Variants in SORT1 observed in about 807,000 individuals in gnomAD.
SORT1 encodes sortilin 1, also known as sortilin.
In SORT1, 39 loss-of-function variants were observed where a neutral mutation model predicts 101.7. That is an observed-to-expected ratio of 0.38 (90% CI 0.30 to 0.50). The LOEUF is 0.50. SORT1 is among the 20% of genes least tolerant of loss of function. SORT1 has a pLI of 0.90. For missense variants in SORT1, 878 were observed against 1,040.4 expected (o/e 0.84, Z 2.15); for synonymous variants, 396 against 393.7 (o/e 1.01, Z -0.07).
intron 3 of SORT1, among the ~76,000 whole-genome samples, chr1:109,356,459 T>C (rs1650332130): frequency 6.6e-6 from 1 of 152,182 alleles, no homozygotes; most frequent in South Asian, 2.1e-4. Context: ...GAATCGACCC[T>C]GAAGCCTGTC....
chr1:109,326,464 TACATACACAC>T (rs1233814767), intron 13 of SORT1, among the ~76,000 whole-genome samples: 1 of 64,104 alleles, frequency 1.6e-5, no homozygotes, highest in Non-Finnish European at 3.1e-5. Flanking sequence ...TATATATATA[TACATACACAC>T]ACACACACAC....
In SORT1 at chr1:109,310,747, A is replaced by C. The variant is rs1490130354; in HGVS notation, c.*3296T>G. On this transcript the variant is annotated 3_prime_UTR_variant, in exon 20 of 20. Coordinates refer to ENST00000256637, the MANE Select transcript of SORT1 (RefSeq NM_002959.7). ...ATCTCTATCTGGATGGTTGGCCTGG[A>C]AACTAAATAATGACTAATGCCAGGC... 6.6e-6 allele frequency: 1 copy of C among 152,488 alleles called. No homozygotes were observed. Among genetic ancestry groups the C allele is most frequent in the Non-Finnish European group, 1.5e-5 (1 of 68,078 alleles). The allele number at this position is 152,488 out of a possible 1,614,324, so 9.4% of individuals were successfully genotyped here.
At chr1:109,314,893 G>T in intron 17 of SORT1, 115 bp from the exon 18 acceptor site, 1 of 587,384 alleles carries the variant, frequency 1.7e-6, no homozygotes, top group East Asian at 3.0e-5. Flanking sequence ...GTCCTGATGC[G>T]CTTAATGATG....
intron 1 of SORT1, among the ~76,000 whole-genome samples, chr1:109,381,996 C>T (rs546163678): frequency 3.2e-4 from 48 of 152,090 alleles, no homozygotes; most frequent in African/African-American, 1.1e-3. Context: ...AAATTACTCT[C>T]ATCCCACCTC....
At chr1:109,379,135 G>A (rs1417517685) in intron 1 of SORT1, among the ~76,000 whole-genome samples, 2 of 147,508 alleles carry the variant, frequency 1.4e-5, no homozygotes, top group African/African-American at 4.9e-5. Context: ...AAAGTGAAAC[G>A]CCGTCTCAAA....
chr1:109,395,493 T>C (rs945212221), intron 1 of SORT1, among the ~76,000 whole-genome samples: 3 of 151,844 alleles, frequency 2.0e-5, no homozygotes, highest in Admixed American at 6.6e-5. Context: ...ATTGATAAGA[T>C]TACAGGCATG....
intron 3 of SORT1, among the ~76,000 whole-genome samples, chr1:109,357,268 T>C (rs1007940706): frequency 3.3e-5 from 5 of 152,266 alleles, no homozygotes; most frequent in African/African-American, 1.2e-4. Flanking sequence ...GTTTGCACAA[T>C]AATGAAATCA....
In SORT1 at chr1:109,355,388, A is replaced by T. The variant is rs1384420216; in HGVS notation, c.522T>A (p.Ile174=). The T allele has an allele frequency of 1.3e-6, 2 of 1,592,272 alleles. No homozygotes were observed. Among genetic ancestry groups the T allele is most frequent in the Non-Finnish European group, 1.7e-6 (2 of 1,160,136 alleles). The change falls in exon 4 of 20, where the codon ATT becomes ATA. Residue 174 remains isoleucine (I), a synonymous_variant. Coordinates refer to ENST00000256637, the MANE Select transcript of SORT1 (RefSeq NM_002959.7). ...TFIRTEFGMA[I]GPENSGKVVL... is the part of the protein sequence containing the mutation. ...TCACCTTTCCAGAGTTCTCAGGACCAATAGCCATGCCAAATTCAGTCCGAA... is the reference window on the plus strand; with the variant it reads ...TCACCTTTCCAGAGTTCTCAGGACCTATAGCCATGCCAAATTCAGTCCGAA...
At chr1:109,364,663 G>A (rs965629864) in intron 3 of SORT1, among the ~76,000 whole-genome samples, 1 of 152,210 alleles carries the variant, frequency 6.6e-6, no homozygotes, top group Non-Finnish European at 1.5e-5. Flanking sequence ...GTTGGCAGGG[G>A]CTAGGGGGTG....
At chr1:109,367,679 T>C (rs1410902113) in intron 2 of SORT1, among the ~76,000 whole-genome samples, 198 bp from the exon 3 acceptor site, 2 of 152,196 alleles carry the variant, frequency 1.3e-5, no homozygotes, top group Admixed American at 6.5e-5. Context: ...ATGATCCCCA[T>C]TGCCTCCATT....
chr1:109,323,666 G>C (rs954143707), intron 14 of SORT1, among the ~76,000 whole-genome samples: 1 of 152,202 alleles, frequency 6.6e-6, no homozygotes, highest in Non-Finnish European at 1.5e-5. Context: ...GATAAACCTA[G>C]TTTCTGGCTT....
chr1:109,344,037 C>G (rs1649417748), intron 8 of SORT1, among the ~76,000 whole-genome samples: 1 of 152,214 alleles, frequency 6.6e-6, no homozygotes, highest in Non-Finnish European at 1.5e-5. Flanking sequence ...TTCAGGCGCT[C>G]AGGATACAGA....
At chr1:109,325,787 C>G (rs905164343) in intron 13 of SORT1, among the ~76,000 whole-genome samples, 2 of 151,648 alleles carry the variant, frequency 1.3e-5, no homozygotes, top group African/African-American at 2.4e-5. Context: ...CCAGCCTGAC[C>G]AACACAACAA....
intron 1 of SORT1, 126 bp from the exon 2 acceptor site, chr1:109,369,715 A>G: frequency 3.0e-6 from 2 of 676,762 alleles, no homozygotes; most frequent in Non-Finnish European, 5.3e-6. Context: ...GTGGGTATGG[A>G]TTCCCAGTAC....
At chr1:109,333,147 C>T (rs568798652) in intron 11 of SORT1, among the ~76,000 whole-genome samples, 73 of 152,166 alleles carry the variant, frequency 4.8e-4, no homozygotes, top group African/African-American at 1.5e-3. Flanking sequence ...AGGATGGTCT[C>T]GATCTCCTGA....
intron 15 of SORT1, among the ~76,000 whole-genome samples, chr1:109,322,672 G>C (rs1647712600): frequency 6.6e-6 from 1 of 152,130 alleles, no homozygotes; most frequent in Admixed American, 6.5e-5. Flanking sequence ...TGGGATTATA[G>C]GCGTGCGCCA....
chr1:109,381,041 C>T, intron 1 of SORT1, among the ~76,000 whole-genome samples: 1 of 152,082 alleles, frequency 6.6e-6, no homozygotes, highest in Non-Finnish European at 1.5e-5. Flanking sequence ...ACCAGAGCAC[C>T]TTCTTCTACG....
At chr1:109,346,575 C>A (rs1293097258) in intron 7 of SORT1, among the ~76,000 whole-genome samples, 1 of 151,758 alleles carries the variant, frequency 6.6e-6, no homozygotes, top group African/African-American at 2.4e-5. Context: ...GAAACCCCAT[C>A]TCTACTAAAA....
At position 109,314,074 on chromosome 1, in the gene SORT1, C is replaced by A. The variant is rs199622109; in HGVS notation, c.2482-17G>T. ...CAAGAGGTCCTGAAAAAGACATGCA[C>A]CATATTACCGACAGACCACAACACT... On this transcript the variant is annotated splice_polypyrimidine_tract_variant and intron_variant, in intron 19 of 19. Coordinates refer to ENST00000256637, the MANE Select transcript of SORT1 (RefSeq NM_002959.7). 1.1e-5 allele frequency: 18 copies of A among 1,613,938 alleles called. No homozygotes were observed. Among genetic ancestry groups the A allele is most frequent in the Non-Finnish European group, 1.7e-6 (2 of 1,179,920 alleles).
Sources: allele counts gnomAD v4.1 joint callset (sites outside exome capture counted in the v4.1 genomes callset), GRCh38; gene constraint gnomAD v4.1.1; transcripts MANE v1.5; gene names NCBI Gene and HGNC (gene_info 2026-07-23, HGNC 2026-07-21).